PRKG1: variants seen among roughly 807,000 people sequenced by gnomAD.
PRKG1 encodes protein kinase cGMP-dependent 1, also known as cGMP-dependent protein kinase 1.
PRKG1 carries 35 observed loss-of-function variants against 88.1 expected under a neutral mutation model. That is an observed-to-expected ratio of 0.40 (90% CI 0.30 to 0.53). PRKG1 has a LOEUF of 0.53. PRKG1 is among the 20% of genes least tolerant of loss of function. The probability of loss-of-function intolerance (pLI) is 0.59; values close to 1 mark genes in which losing one functional copy is unlikely to be tolerated. For missense variants in PRKG1, 540 were observed against 839.8 expected (o/e 0.64, Z 4.41); for synonymous variants, 303 against 292.5 (o/e 1.04, Z -0.37).
At chr10:51,776,388 G>A (rs1424999168) in intron 3 of PRKG1, among the ~76,000 whole-genome samples, 2 of 152,120 alleles carry the variant, frequency 1.3e-5, no homozygotes, top group Non-Finnish European at 2.9e-5. Flanking sequence ...TACAGGGATA[G>A]TTATTAGAAT....
intron 2 of PRKG1, among the ~76,000 whole-genome samples, chr10:51,363,536 A>T (rs1306388547): frequency 6.6e-6 from 1 of 151,990 alleles, no homozygotes; most frequent in East Asian, 1.9e-4. Flanking sequence ...AGAGGTGTCA[A>T]ATAATACCAG....
At chr10:52,181,512 C>G (rs1432734043) in intron 9 of PRKG1, among the ~76,000 whole-genome samples, 1 of 116,134 alleles carries the variant, frequency 8.6e-6, no homozygotes, top group East Asian at 2.5e-4. Flanking sequence ...ATACATGTGC[C>G]ATGCTGGTGC....
At chr10:51,637,919 A>G (rs1231424728) in intron 3 of PRKG1, among the ~76,000 whole-genome samples, 1 of 152,170 alleles carries the variant, frequency 6.6e-6, no homozygotes, top group Non-Finnish European at 1.5e-5. Flanking sequence ...GTATCCCTGA[A>G]CTTAAAATAG....
At chr10:51,800,923 A>G (rs1347948057) in intron 3 of PRKG1, among the ~76,000 whole-genome samples, 1 of 152,096 alleles carries the variant, frequency 6.6e-6, no homozygotes, top group African/African-American at 2.4e-5. Flanking sequence ...TAGGGCTTCA[A>G]CGTTTGAATT....
chr10:51,113,895 G>A (rs997363857), intron 1 of PRKG1, among the ~76,000 whole-genome samples: 6 of 151,766 alleles, frequency 4.0e-5, no homozygotes, highest in Non-Finnish European at 7.4e-5. Flanking sequence ...GATGCATTTA[G>A]GGAAGGGGGA....
chr10:51,905,120 C>T (rs1589407810), intron 4 of PRKG1, among the ~76,000 whole-genome samples: 1 of 152,252 alleles, frequency 6.6e-6, no homozygotes, highest in Admixed American at 6.5e-5. Context: ...CAAGGCAGGA[C>T]TAAATTTTTC....
chr10:51,418,975 T>G (rs1008392031), intron 2 of PRKG1, among the ~76,000 whole-genome samples: 1 of 152,168 alleles, frequency 6.6e-6, no homozygotes, highest in African/African-American at 2.4e-5. Context: ...AAAGTAATAT[T>G]TTTTTCAGTA....
chr10:52,205,471 GA>G (rs1186319412), intron 9 of PRKG1, among the ~76,000 whole-genome samples: 2 of 152,130 alleles, frequency 1.3e-5, no homozygotes, highest in East Asian at 3.9e-4. Flanking sequence ...AACCCACGTT[GA>G]ATTATTGGGG....
At chr10:51,114,767 G>A (rs1218372242) in intron 1 of PRKG1, among the ~76,000 whole-genome samples, 1 of 152,012 alleles carries the variant, frequency 6.6e-6, no homozygotes, top group Non-Finnish European at 1.5e-5. Context: ...GTGTATTGAG[G>A]GGTTAGATAA....
chr10:51,896,615 G>A (rs1481637322), intron 4 of PRKG1, among the ~76,000 whole-genome samples: 1 of 123,746 alleles, frequency 8.1e-6, no homozygotes, highest in African/African-American at 3.2e-5. Flanking sequence ...AGGAGGCTAA[G>A]CTTAGGTGAC....
intron 3 of PRKG1, among the ~76,000 whole-genome samples, chr10:51,709,364 C>A (rs1028961848): frequency 6.6e-6 from 1 of 152,156 alleles, no homozygotes; most frequent in Non-Finnish European, 1.5e-5. Flanking sequence ...AGCAACAATT[C>A]TTTCAGTTAT....
chr10:51,750,646 G>A (rs911608472), intron 3 of PRKG1, among the ~76,000 whole-genome samples: 6 of 152,212 alleles, frequency 3.9e-5, no homozygotes, highest in Admixed American at 1.3e-4. Flanking sequence ...ATAGCTTAGA[G>A]TCAAAGGACC....
chr10:51,541,615 C>T (rs1319829278), intron 3 of PRKG1, among the ~76,000 whole-genome samples: 2 of 151,928 alleles, frequency 1.3e-5, no homozygotes, highest in Non-Finnish European at 2.9e-5. Context: ...AAGTTTATCA[C>T]TTAGTTTAAG....
chr10:52,089,703 A>G (rs781222562), intron 7 of PRKG1, among the ~76,000 whole-genome samples: 1 of 152,080 alleles, frequency 6.6e-6, no homozygotes, highest in Non-Finnish European at 1.5e-5. Flanking sequence ...TGGGTTAGCA[A>G]ACATATTTTC....
chr10:52,004,521 C>T (rs1395906383), intron 5 of PRKG1, among the ~76,000 whole-genome samples: 1 of 152,154 alleles, frequency 6.6e-6, no homozygotes, highest in African/African-American at 2.4e-5. Flanking sequence ...TCCCCATCTA[C>T]TGGATAATGT....
At chr10:51,242,639 A>T (rs1414037304) in intron 2 of PRKG1, among the ~76,000 whole-genome samples, 1 of 152,186 alleles carries the variant, frequency 6.6e-6, no homozygotes. Context: ...GTTATGTAAC[A>T]CTGGGATAAA....
At chr10:51,685,353 C>T (rs189802120) in intron 3 of PRKG1, among the ~76,000 whole-genome samples, 3 of 152,164 alleles carry the variant, frequency 2.0e-5, no homozygotes, top group African/African-American at 7.2e-5. Flanking sequence ...CCTGGCATTT[C>T]GTAGGTTCTC....
chr10:51,244,606 A>G (rs559190476), intron 2 of PRKG1, among the ~76,000 whole-genome samples: 46 of 152,270 alleles, frequency 3.0e-4, no homozygotes, highest in African/African-American at 1.1e-3. Flanking sequence ...GATGAAACAC[A>G]GTAAGGTTTT....
chr10:51,580,685 AT>A (rs1838008645), intron 3 of PRKG1, among the ~76,000 whole-genome samples: 1 of 150,640 alleles, frequency 6.6e-6, no homozygotes, highest in African/African-American at 2.4e-5. Flanking sequence ...AGGGGCAGCT[AT>A]TTTTTATTAA....
Sources: allele counts gnomAD v4.1 joint callset (sites outside exome capture counted in the v4.1 genomes callset), GRCh38; gene constraint gnomAD v4.1.1; transcripts MANE v1.5; gene names NCBI Gene and HGNC (gene_info 2026-07-23, HGNC 2026-07-21).